The following SGPP1 variants were observed in gnomAD, a reference collection of about 807,000 sequenced individuals.
SGPP1 encodes the protein sphingosine-1-phosphate phosphatase 1, also known as hSPP1.
SGPP1 carries 21 observed loss-of-function variants against 33.0 expected under a neutral mutation model. The observed-to-expected ratio is 0.64, with a 90% CI of 0.45 to 0.92. The LOEUF (loss-of-function observed/expected upper bound fraction) is 0.92, where lower values mean the gene tolerates loss of function less well. Ranked by LOEUF, SGPP1 falls within the 40% of genes least tolerant of loss-of-function variation. SGPP1 has a pLI of 0.00. For missense variants in SGPP1, 543 were observed against 589.4 expected (o/e 0.92, Z 0.81); for synonymous variants, 239 against 241.2 (o/e 0.99, Z 0.08).
intron 1 of SGPP1, among the ~76,000 whole-genome samples, chr14:63,710,023 A>G (rs2139646139): frequency 6.6e-6 from 1 of 152,354 alleles, no homozygotes; most frequent in South Asian, 2.1e-4. Flanking sequence ...TGTCTTTAAT[A>G]CAATTTAAAT....
chr14:63,689,515 G>GC (rs1347678538), intron 2 of SGPP1, among the ~76,000 whole-genome samples: 1 of 152,058 alleles, frequency 6.6e-6, no homozygotes, highest in African/African-American at 2.4e-5. Context: ...ATCTAGTTTG[G>GC]CCCGGGGGTG....
intron 2 of SGPP1, among the ~76,000 whole-genome samples, chr14:63,691,052 C>T (rs1213449108): frequency 1.3e-5 from 2 of 152,314 alleles, no homozygotes; most frequent in South Asian, 2.1e-4. Context: ...AGATATAAAA[C>T]ATAGTTTGGC....
Position 63,686,588 on chromosome 14 carries a change from A to G in SGPP1, c.843T>C (p.Ile281=), listed in dbSNP as rs1473791425. ...LAVFYPFVDL[I]DNFNQTHKYA... ...ATTTGTGAGTTTGGTTGAAGTTGTCAATCAGGTCCACAAATGGATAGAAGA... is the reference window on the plus strand; with the variant it reads ...ATTTGTGAGTTTGGTTGAAGTTGTCGATCAGGTCCACAAATGGATAGAAGA... Residue 281 remains isoleucine, a synonymous_variant, in exon 3 of 3, where the codon ATT becomes ATC. Transcript: ENST00000247225. 6.2e-7 allele frequency: 1 copy of G among 1,613,804 alleles called. No homozygotes were observed. The highest frequency in any genetic ancestry group is 8.5e-7 in the Non-Finnish European group (1 of 1,179,850).
Position 63,727,258 on chromosome 14 carries a change from T to C in SGPP1, c.684+3A>G, listed in dbSNP as rs1351947323. The C allele has an allele frequency of 3.7e-6, 6 of 1,605,432 alleles. No individual in the cohort carries two copies. The highest frequency in any genetic ancestry group is 5.1e-6 in the Non-Finnish European group (6 of 1,174,774). ...GGCTGAACAGGACGAGAAGGAACCC[T>C]ACCTGCCAGCGGCCATAGGTGAGGA... On this transcript the variant is annotated splice_donor_region_variant and intron_variant, in intron 1 of 2. Transcript: ENST00000247225.
chr14:63,696,943 G>C (rs1404110087), intron 2 of SGPP1, among the ~76,000 whole-genome samples: 1 of 152,150 alleles, frequency 6.6e-6, no homozygotes, highest in East Asian at 1.9e-4. Flanking sequence ...CCGAGATTGT[G>C]CCACTGCCCT....
chr14:63,708,652 A>G (rs1330610635), intron 1 of SGPP1, among the ~76,000 whole-genome samples: 4 of 152,128 alleles, frequency 2.6e-5, no homozygotes, highest in African/African-American at 7.2e-5. Context: ...AATAAATATG[A>G]ATTTATTATT....
chr14:63,692,927 AC>A (rs1417356248), intron 2 of SGPP1, among the ~76,000 whole-genome samples: 1 of 151,988 alleles, frequency 6.6e-6, no homozygotes, highest in African/African-American at 2.4e-5. Context: ...TGACTGTCAA[AC>A]CTCTATTCTT....
intron 1 of SGPP1, among the ~76,000 whole-genome samples, chr14:63,715,137 C>T (rs1885596267): frequency 6.6e-6 from 1 of 151,462 alleles, no homozygotes; most frequent in African/African-American, 2.4e-5. Context: ...CCTCAGCCTA[C>T]CAAGTAGTTG....
chr14:63,710,256 G>A (rs556633413), intron 1 of SGPP1, among the ~76,000 whole-genome samples: 1 of 152,172 alleles, frequency 6.6e-6, no homozygotes, highest in Non-Finnish European at 1.5e-5. Flanking sequence ...TATTGACCCA[G>A]CAATGCTAGA....
At chr14:63,711,433 A>G (rs1566823221) in intron 1 of SGPP1, among the ~76,000 whole-genome samples, 1 of 152,172 alleles carries the variant, frequency 6.6e-6, no homozygotes, top group Non-Finnish European at 1.5e-5. Context: ...TACAAAGAAA[A>G]GTTTATTTTA....
In SGPP1 at chr14:63,706,736, A is replaced by G. The variant is rs1885415243; in HGVS notation, c.685-8078T>C. 2.6e-5 allele frequency among the ~76,000 whole-genome samples: 4 copies of G among 152,300 alleles called. 1 individual carries two copies. The South Asian group carries it at 8.3e-4, about 32-fold the overall frequency. On this transcript the variant is annotated intron_variant, in intron 1 of 2. Coordinates refer to ENST00000247225, the MANE Select transcript of SGPP1 (RefSeq NM_030791.4). ...AGTTCTAAGAGCAACTGTGAAATCCACCATAATAAATTGCAATCTGAAAAT... is the reference window on the plus strand; with the variant it reads ...AGTTCTAAGAGCAACTGTGAAATCCGCCATAATAAATTGCAATCTGAAAAT...
intron 1 of SGPP1, among the ~76,000 whole-genome samples, chr14:63,722,486 G>A (rs191817861): frequency 2.3e-3 from 354 of 151,140 alleles, no homozygotes; most frequent in African/African-American, 8.2e-3. Context: ...AGCCAATATC[G>A]CACCACTGCA....
At position 63,698,572 on chromosome 14, in the gene SGPP1, A is replaced by C. The variant is rs758345239; in HGVS notation, c.771T>G (p.Ile257Met). The C allele has an allele frequency of 6.5e-7, 1 of 1,533,124 alleles. No homozygotes were observed. Among genetic ancestry groups the C allele is most frequent in the Non-Finnish European group, 8.9e-7 (1 of 1,120,526 alleles). The allele number at this position is 1,533,124 out of a possible 1,614,324, so 95.0% of individuals were successfully genotyped here. A position where few individuals can be genotyped will look rare whatever the true frequency, so the allele number is the denominator to read the frequency against. ...AAGAAGACAACATTTTCCTTACCAG[A>C]ATAGAGTGCATTCCCATGTAAATTC... ...LSRIYMGMHS[I>M]LDIIAGFLYT... The change falls in exon 2 of 3, where the codon ATT becomes ATG. Residue 257 changes from isoleucine (I) to methionine (M), a missense_variant. Ile to Met is a conservative substitution (Grantham distance 10). Transcript: ENST00000247225.
rs938336378 is a variant in SGPP1, at chr14:63,709,845, C to T, written c.685-11187G>A. 3.9e-5 allele frequency among the ~76,000 whole-genome samples: 6 copies of T among 152,056 alleles called. No homozygotes were observed. The South Asian group carries it at 6.2e-4, about 16-fold the overall frequency. On this transcript the variant is annotated intron_variant, in intron 1 of 2. Transcript: ENST00000247225. ...TTGATCACAAGAAAATTTATCTAAA[C>T]GTTTCCCTCAATTATTCTACCAAAC...
intron 1 of SGPP1, among the ~76,000 whole-genome samples, chr14:63,726,111 A>G (rs1885872708): frequency 6.6e-6 from 1 of 152,210 alleles, no homozygotes; most frequent in Non-Finnish European, 1.5e-5. Flanking sequence ...ACTGTAAGAG[A>G]GATGCACTAC....
At chr14:63,687,941 T>C (rs1885014407) in intron 2 of SGPP1, among the ~76,000 whole-genome samples, 1 of 152,000 alleles carries the variant, frequency 6.6e-6, no homozygotes, top group South Asian at 2.1e-4. Context: ...GCCAACATGG[T>C]GAAACCCTGT....
At chr14:63,726,018 G>C (rs1397864976) in intron 1 of SGPP1, among the ~76,000 whole-genome samples, 1 of 152,080 alleles carries the variant, frequency 6.6e-6, no homozygotes, top group Non-Finnish European at 1.5e-5. Flanking sequence ...TAGCTCCTTT[G>C]GTTAAACAGA....
Position 63,685,646 on chromosome 14 carries a change from G to A in SGPP1, c.*459C>T, listed in dbSNP as rs1232644818. ...GAAATGGCTCCCATAGTAAATAAAT[G>A]TTAAATATATCTGTTAATAACAACA... is the stretch of plus-strand genomic sequence containing the variant. On this transcript the variant is annotated 3_prime_UTR_variant, in exon 3 of 3. Transcript: ENST00000247225. 2.6e-5 allele frequency: 4 copies of A among 151,870 alleles called. No individual in the cohort carries two copies. Among genetic ancestry groups the A allele is most frequent in the Admixed American group, 1.3e-4 (2 of 15,214 alleles). The allele number at this position is 151,870 out of a possible 1,614,324, so 9.4% of individuals were successfully genotyped here. A position where few individuals can be genotyped will look rare whatever the true frequency, so the allele number is the denominator to read the frequency against.
intron 2 of SGPP1, among the ~76,000 whole-genome samples, chr14:63,687,685 G>GT (rs1885007651): frequency 6.6e-6 from 1 of 152,180 alleles, no homozygotes; most frequent in African/African-American, 2.4e-5. Context: ...TGTAGGCTAG[G>GT]TAAGAGAGTA....
Sources: gnomAD v4.1 joint callset for allele counts (sites outside exome capture counted in the v4.1 genomes callset) on GRCh38, gnomAD v4.1.1 for gene constraint, MANE v1.5 for transcripts, NCBI Gene and HGNC (gene_info 2026-07-23, HGNC 2026-07-21) for gene names.